The following U2SURP variants were observed in gnomAD, a reference collection of about 807,000 sequenced individuals.
U2SURP encodes the protein U2 snRNP associated SURP domain containing.
In U2SURP, 9 loss-of-function variants were observed where a neutral mutation model predicts 144.9. The ratio of observed to expected loss-of-function variants is 0.06; its 90% CI spans 0.04 to 0.11. The LOEUF is 0.11. U2SURP is among the 10% of genes least tolerant of loss of function. U2SURP has a pLI of 1.00. For missense variants in U2SURP, 724 were observed against 1,226.7 expected, an observed-to-expected ratio of 0.59 and a Z score of 6.12; for synonymous variants, 408 against 396.8, an observed-to-expected ratio of 1.03 and a Z score of -0.33.
chr3:143,054,963 C>A lies in U2SURP; in HGVS notation c.2795C>A (p.Ser932Tyr). Residue 932 changes from serine (S) to tyrosine (Y), a missense_variant, in exon 27 of 28, where the codon TCC (serine) becomes TAC (tyrosine). Ser to Tyr is a moderately radical substitution (Grantham distance 144, BLOSUM62 -2). Coordinates refer to ENST00000473835, the MANE Select transcript of U2SURP (RefSeq NM_001080415.2). ...RKERKRRHSTSPSPSRSSSGR... is the reference protein window; with the variant it reads ...RKERKRRHSTYPSPSRSSSGR... ...CATAGGAAGAGGCGACACAGTACAT[C>A]CCCCAGCCCATCTCGCAGTAGCAGT... The A allele has an allele frequency of 6.2e-7, 1 of 1,607,136 alleles. No individual in the cohort carries two copies. Among genetic ancestry groups the A allele is most frequent in the Admixed American group, 1.7e-5 (1 of 58,504 alleles).
At chr3:143,054,764 A>G (rs1430006831) in intron 26 of U2SURP, among the ~76,000 whole-genome samples, 179 bp from the exon 27 acceptor site, 1 of 152,222 alleles carries the variant, frequency 6.6e-6, no homozygotes, top group Admixed American at 6.5e-5. Context: ...TCTCTTGACA[A>G]CCTATCTTTA....
chr3:143,019,862 T>C lies in U2SURP; in HGVS notation c.571-107T>C, dbSNP rs555136588. On this transcript the variant is annotated intron_variant, in intron 6 of 27. Coordinates refer to ENST00000473835, the MANE Select transcript of U2SURP (RefSeq NM_001080415.2). ...CATTCTTCCTTTTTAATTTAAATAA[T>C]TAGAACATACAATTTGTACTGAAAT... 27 of 485,078 alleles carry C rather than the reference T, an allele frequency of 5.6e-5. No homozygotes were observed. The South Asian group carries it at 1.8e-3, about 32-fold the overall frequency. The allele number at this position is 485,078 out of a possible 1,614,324, so 30.0% of individuals were successfully genotyped here. A position where few individuals can be genotyped will look rare whatever the true frequency, so the allele number is the denominator to read the frequency against.
At chr3:143,024,185 T>A (rs529392941) in intron 13 of U2SURP, among the ~76,000 whole-genome samples, 167 bp downstream of exon 13, 1 of 152,330 alleles carries the variant, frequency 6.6e-6, no homozygotes, top group East Asian at 1.9e-4. Context: ...TTGTATACTT[T>A]GCAATTTTAT....
In U2SURP at chr3:143,039,603, T is replaced by A. The variant is rs1933993990; in HGVS notation, c.2384+643T>A. Among the ~76,000 whole-genome samples the A allele has an allele frequency of 2.0e-5, 3 of 148,938 alleles. No homozygotes were observed. In the South Asian group the frequency reaches 6.3e-4, roughly 31 times the overall value. ...AATCATTGCAAAGGGAGTTGAATTT[T>A]TTTTTTTTTTTTTTTTTAAATGAGT... On this transcript the variant is annotated intron_variant, in intron 23 of 27. Transcript: ENST00000473835.
chr3:143,011,003 C>T, intron 2 of U2SURP, 144 bp downstream of exon 2: 10 of 544,166 alleles, frequency 1.8e-5, no homozygotes, highest in South Asian at 6.9e-5. Context: ...TAGGCGCCTT[C>T]CTTTTTTTTT....
rs371483176 is a variant in U2SURP, at chr3:143,046,910, G to C, written c.2544+3634G>C. Among the ~76,000 whole-genome samples, 40 of 105,350 alleles carry C rather than the reference G, an allele frequency of 3.8e-4. 1 individual carries two copies. The highest frequency in any genetic ancestry group is 1.4e-3 in the African/African-American group (32 of 23,244). The allele number at this position is 105,350 out of a possible 152,430, so 69.1% of individuals were successfully genotyped here. A position where few individuals can be genotyped will look rare whatever the true frequency, so the allele number is the denominator to read the frequency against. On this transcript the variant is annotated intron_variant, in intron 24 of 27. Coordinates refer to ENST00000473835, the MANE Select transcript of U2SURP (RefSeq NM_001080415.2). ...GTAGGGGCGGCCGGGCAGAGGCGCC[G>C]CTCACCTCCCGGACGGGGCGGCTGG...
At chr3:143,050,840 T>TA (rs1934820069) in intron 24 of U2SURP, 99 bp from the exon 25 acceptor site, 1 of 736,030 alleles carries the variant, frequency 1.4e-6, no homozygotes, top group Admixed American at 2.7e-5. Flanking sequence ...TTTGACTGAG[T>TA]ACTAATTAGT....
At chr3:143,004,498 G>A (rs907120261) in intron 1 of U2SURP, among the ~76,000 whole-genome samples, 1 of 140,448 alleles carries the variant, frequency 7.1e-6, no homozygotes, top group African/African-American at 2.8e-5. Flanking sequence ...CGAGTAGCTG[G>A]GACTACAGGC....
chr3:143,015,108 G>A (rs1936300634), intron 4 of U2SURP, among the ~76,000 whole-genome samples: 1 of 152,070 alleles, frequency 6.6e-6, no homozygotes, highest in Non-Finnish European at 1.5e-5. Flanking sequence ...AGTAGTGTAT[G>A]AATGAATGTT....
chr3:143,007,784 A>G (rs1935922080), intron 1 of U2SURP, among the ~76,000 whole-genome samples: 1 of 152,186 alleles, frequency 6.6e-6, no homozygotes, highest in South Asian at 2.1e-4. Context: ...TGTGTTCTTC[A>G]GTTAAAAATA....
At chr3:143,051,816 A>G (rs1934884257) in intron 25 of U2SURP, among the ~76,000 whole-genome samples, 4 of 152,120 alleles carry the variant, frequency 2.6e-5, no homozygotes, top group Admixed American at 2.6e-4. Context: ...AAGTCACTGC[A>G]GCCTGCTTTT....
At chr3:143,041,977 C>T (rs1934136407) in intron 23 of U2SURP, among the ~76,000 whole-genome samples, 1 of 150,930 alleles carries the variant, frequency 6.6e-6, no homozygotes, top group African/African-American at 2.5e-5. Flanking sequence ...TATACACACA[C>T]ACACACACAC....
At chr3:143,035,100 GT>G (rs1284456125) in intron 19 of U2SURP, 125 bp downstream of exon 19, 5 of 462,944 alleles carry the variant, frequency 1.1e-5, no homozygotes, top group Non-Finnish European at 1.5e-5. Context: ...TGTTACAGAA[GT>G]TACTGTTTTA....
intron 23 of U2SURP, among the ~76,000 whole-genome samples, chr3:143,042,505 A>G (rs1934168682): frequency 6.6e-6 from 1 of 151,820 alleles, no homozygotes; most frequent in Non-Finnish European, 1.5e-5. Context: ...GGTTACATGG[A>G]TATATTATTT....
In U2SURP at chr3:143,038,876, C is replaced by T; in HGVS notation, c.2318-18C>T. 1.3e-6 allele frequency: 2 copies of T among 1,528,166 alleles called. No homozygotes were observed. Among genetic ancestry groups the T allele is most frequent in the Non-Finnish European group, 1.8e-6 (2 of 1,137,408 alleles). 94.7% of individuals were successfully genotyped at this position (1,528,166 alleles called of 1,614,324 possible). On this transcript the variant is annotated intron_variant, in intron 22 of 27. Coordinates refer to ENST00000473835, the MANE Select transcript of U2SURP (RefSeq NM_001080415.2). ...AGTTTACCTCGTGGAATTACATCCT[C>T]CTTTTCCTTTCATTCAGCTGTTACA...
rs10706682 is a variant in U2SURP, at chr3:143,039,599, ATTTTTTTT to A, written c.2384+653_2384+660del. ...TTAAAATCATTGCAAAGGGAGTTGA[ATTTTTTTT>A]TTTTTTTTTTTTTAAATGAGTAGGA... On this transcript the variant is annotated intron_variant, in intron 23 of 27. Coordinates refer to ENST00000473835, the MANE Select transcript of U2SURP (RefSeq NM_001080415.2). 2.2e-5 allele frequency among the ~76,000 whole-genome samples: 3 copies of A among 136,792 alleles called. No homozygotes were observed. In the Admixed American group the frequency reaches 2.2e-4, roughly 10 times the overall value. 89.7% of individuals were successfully genotyped at this position (136,792 alleles called of 152,430 possible). A position where few individuals can be genotyped will look rare whatever the true frequency, so the allele number is the denominator to read the frequency against.
rs370077868 is a variant in U2SURP, at chr3:143,037,270, C to T, written c.2156C>T (p.Thr719Ile). ...GTAGATGGAATTCCTATTGATGCTA[C>T]TCCCATCGATGATCTTGATGGAGTC... ...EDVDGIPIDATPIDDLDGVPI... is the reference protein window; with the variant it reads ...EDVDGIPIDAIPIDDLDGVPI... The change falls in exon 21 of 28, where the codon ACT (threonine) becomes ATT (isoleucine). Residue 719 changes from threonine to isoleucine, a missense_variant. Transcript: ENST00000473835. 3.0e-5 allele frequency: 48 copies of T among 1,612,622 alleles called. No individual in the cohort carries two copies. The East Asian group carries it at 9.4e-4, about 31-fold the overall frequency.
chr3:143,007,876 A>G (rs928985727), intron 1 of U2SURP, among the ~76,000 whole-genome samples: 3 of 152,158 alleles, frequency 2.0e-5, no homozygotes, highest in Non-Finnish European at 2.9e-5. Context: ...GTAGTGCTAT[A>G]TTTACTGTTT....
At chr3:143,043,590 T>C (rs1453337709) in intron 24 of U2SURP, among the ~76,000 whole-genome samples, 3 of 152,164 alleles carry the variant, frequency 2.0e-5, no homozygotes, top group African/African-American at 7.2e-5. Context: ...AATGTCTGTC[T>C]TCCCCATTAG....
Sources: gnomAD v4.1 joint callset for allele counts (sites outside exome capture counted in the v4.1 genomes callset) on GRCh38, gnomAD v4.1.1 for gene constraint, MANE v1.5 for transcripts, NCBI Gene and HGNC (gene_info 2026-07-23, HGNC 2026-07-21) for gene names.